Variants in ZNF771 observed in about 807,000 individuals in gnomAD.
ZNF771 encodes the protein zinc finger protein 771.
A neutral mutation model predicts 27.6 loss-of-function variants in ZNF771; 10 were observed. The observed-to-expected ratio is 0.36, with a 90% CI of 0.22 to 0.61. The LOEUF is 0.61. Ranked by LOEUF, ZNF771 falls within the 20% of genes least tolerant of loss-of-function variation. The pLI, the probability that ZNF771 is intolerant of heterozygous loss-of-function variation, is 0.70. For missense variants in ZNF771, 438 were observed against 503.7 expected, an observed-to-expected ratio of 0.87 and a Z score of 1.25; for synonymous variants, 261 against 225.2, an observed-to-expected ratio of 1.16 and a Z score of -1.43.
In ZNF771 at chr16:30,418,105, A is replaced by G; in HGVS notation, c.692A>G (p.His231Arg). 1 of 1,480,084 alleles carries G rather than the reference A, an allele frequency of 6.8e-7. No homozygotes were observed. Among genetic ancestry groups the G allele is most frequent in the South Asian group, 1.3e-5 (1 of 77,430 alleles). The allele number at this position is 1,480,084 out of a possible 1,614,324, so 91.7% of individuals were successfully genotyped here. A position where few individuals can be genotyped will look rare whatever the true frequency, so the allele number is the denominator to read the frequency against. Residue 231 changes from histidine (H) to arginine (R), a missense_variant, in exon 3 of 3, where the codon CAC becomes CGC. His to Arg is a conservative substitution (Grantham distance 29, BLOSUM62 0). Transcript: ENST00000319296. ...HRRVHTGEKPHRCAVCGRRFG... is the reference protein window; with the variant it reads ...HRRVHTGEKPRRCAVCGRRFG... Reference sequence around the variant, plus strand: ...CGCGTGCACACGGGCGAGAAGCCGCACCGCTGCGCTGTGTGTGGCCGTCGC... The same window carrying G: ...CGCGTGCACACGGGCGAGAAGCCGCGCCGCTGCGCTGTGTGTGGCCGTCGC...
chr16:30,418,191 C>T lies in ZNF771; in HGVS notation c.778C>T (p.Pro260Ser). ...ARTHTGERPYPCAECGRRFRL... is the reference protein window; with the variant it reads ...ARTHTGERPYSCAECGRRFRL... ...CACGCACACAGGCGAGCGGCCCTAC[C>T]CCTGCGCCGAGTGCGGCCGCCGCTT... The change falls in exon 3 of 3, where the codon CCC (proline) becomes TCC (serine). Residue 260 changes from proline to serine, a missense_variant. By Grantham distance (74) the Pro-to-Ser change is moderately conservative. Coordinates refer to ENST00000319296, the MANE Select transcript of ZNF771 (RefSeq NM_001142305.2). 1 of 1,504,858 alleles carries T rather than the reference C, an allele frequency of 6.6e-7. No individual in the cohort carries two copies. The highest frequency in any genetic ancestry group is 8.8e-7 in the Non-Finnish European group (1 of 1,133,774). 93.2% of individuals were successfully genotyped at this position (1,504,858 alleles called of 1,614,324 possible).
intron 2 of ZNF771, among the ~76,000 whole-genome samples, chr16:30,411,890 C>T (rs969775963): frequency 1.2e-4 from 19 of 152,174 alleles, no homozygotes; most frequent in African/African-American, 4.6e-4. Context: ...GCCTTAATTA[C>T]GCTGCATGCA....
chr16:30,411,923 G>A lies in ZNF771; in HGVS notation c.141+3729G>A, dbSNP rs370680486. On this transcript the variant is annotated intron_variant, in intron 2 of 2. Transcript: ENST00000319296. ...GCAGGGGCTGGAGTATTCTCCCTCT[G>A]CCATCAAAACCCAATCTATCTTTTA... Among the ~76,000 whole-genome samples, 24 of 152,258 alleles carry A rather than the reference G, an allele frequency of 1.6e-4. No homozygotes were observed. The South Asian group carries it at 3.1e-3, about 20-fold the overall frequency.
intron 2 of ZNF771, among the ~76,000 whole-genome samples, chr16:30,409,085 C>T (rs550625808): frequency 6.6e-6 from 1 of 152,228 alleles, no homozygotes; most frequent in East Asian, 1.9e-4. Flanking sequence ...AGTGGTTCTC[C>T]TACCTCAGCC....
Position 30,417,825 on chromosome 16 carries a change from C to G in ZNF771, c.412C>G (p.Arg138Gly). The change falls in exon 3 of 3, where the codon CGG becomes GGG. Residue 138 changes from arginine (R) to glycine (G), a missense_variant. This residue lies in a region of ZNF771 where 305 missense variants were observed against 308.0 expected (regional missense o/e 0.99). Transcript: ENST00000319296. ...FSAASNLRQHRRRHTGEKPYA... is the reference protein window; with the variant it reads ...FSAASNLRQHGRRHTGEKPYA... ...GGCCGCCTCGAACCTGCGGCAGCAC[C>G]GGCGGCGGCACACGGGCGAGAAGCC... The G allele has an allele frequency of 6.7e-7, 1 of 1,498,054 alleles. No individual in the cohort carries two copies. Among genetic ancestry groups the G allele is most frequent in the Non-Finnish European group, 8.8e-7 (1 of 1,131,630 alleles). The allele number at this position is 1,498,054 out of a possible 1,614,324, so 92.8% of individuals were successfully genotyped here.
intron 1 of ZNF771, 133 bp downstream of exon 1, chr16:30,407,797 A>C: frequency 2.8e-5 from 7 of 249,410 alleles, no homozygotes; most frequent in Non-Finnish European, 4.7e-5. Flanking sequence ...CGGGGGCTGG[A>C]GATTCGAACT....
chr16:30,410,481 T>C (rs1276044917), intron 2 of ZNF771, among the ~76,000 whole-genome samples: 13 of 152,008 alleles, frequency 8.6e-5, no homozygotes, highest in South Asian at 4.1e-4. Context: ...GCACAGAGGA[T>C]TGAAGACAAA....
rs1056877451 is a variant in ZNF771 at position 30,419,405 on chromosome 16, A to G, written c.*1038A>G. 2.0e-5 allele frequency: 3 copies of G among 153,736 alleles called. No individual in the cohort carries two copies. The highest frequency in any genetic ancestry group is 4.3e-5 in the Non-Finnish European group (3 of 69,142). The allele number at this position is 153,736 out of a possible 1,614,324, so 9.5% of individuals were successfully genotyped here. A position where few individuals can be genotyped will look rare whatever the true frequency, so the allele number is the denominator to read the frequency against. On this transcript the variant is annotated 3_prime_UTR_variant, in exon 3 of 3. Coordinates refer to ENST00000319296, the MANE Select transcript of ZNF771 (RefSeq NM_001142305.2). ...GGAGAACAAAGTGAGACCCCCATCT[A>G]TTAAAAAAAGAAAAAAAAAGGCTGG...
At position 30,418,006 on chromosome 16, in the gene ZNF771, C is replaced by T. The variant is rs995978186; in HGVS notation, c.593C>T (p.Thr198Met). ...SCLARHRRTHTGERPYACADC... is the reference protein window; with the variant it reads ...SCLARHRRTHMGERPYACADC... ...CTGGCGCGCCACCGACGCACGCACA[C>T]GGGCGAGCGGCCCTACGCTTGCGCC... Residue 198 changes from threonine to methionine, a missense_variant, in exon 3 of 3, where the codon ACG (threonine) becomes ATG (methionine). Transcript: ENST00000319296. The T allele has an allele frequency of 1.4e-6, 2 of 1,468,674 alleles. No homozygotes were observed. Among genetic ancestry groups the T allele is most frequent in the African/African-American group, 1.5e-5 (1 of 68,012 alleles). The allele number at this position is 1,468,674 out of a possible 1,614,324, so 91.0% of individuals were successfully genotyped here. A position where few individuals can be genotyped will look rare whatever the true frequency, so the allele number is the denominator to read the frequency against.
chr16:30,414,145 G>A (rs1296645987), intron 2 of ZNF771: 1 of 152,040 alleles, frequency 6.6e-6, no homozygotes, highest in East Asian at 1.9e-4. Context: ...TAGATCTGAT[G>A]AGACAAGTTC....
At chr16:30,409,084 C>G (rs932775506) in intron 2 of ZNF771, among the ~76,000 whole-genome samples, 6 of 152,140 alleles carry the variant, frequency 3.9e-5, no homozygotes, top group Non-Finnish European at 8.8e-5. Flanking sequence ...AAGTGGTTCT[C>G]CTACCTCAGC....
chr16:30,418,426 C>T lies in ZNF771; in HGVS notation c.*59C>T. 1 of 1,338,854 alleles carries T rather than the reference C, an allele frequency of 7.5e-7. No individual in the cohort carries two copies. Among genetic ancestry groups the T allele is most frequent in the Non-Finnish European group, 9.6e-7 (1 of 1,044,606 alleles). The allele number at this position is 1,338,854 out of a possible 1,614,324, so 82.9% of individuals were successfully genotyped here. The stretch of plus-strand genomic sequence containing the variant: ...TTCGACCTGGCTGCACTAACCCAGG[C>T]TCCTCCTCGCCCCGGCCTCCGGGTC... On this transcript the variant is annotated 3_prime_UTR_variant, in exon 3 of 3. Coordinates refer to ENST00000319296, the MANE Select transcript of ZNF771 (RefSeq NM_001142305.2).
At chr16:30,412,035 G>A (rs190344613) in intron 2 of ZNF771, among the ~76,000 whole-genome samples, 5 of 152,230 alleles carry the variant, frequency 3.3e-5, no homozygotes, top group African/African-American at 1.2e-4. Flanking sequence ...CCCTCAGGGT[G>A]AGGTCTCAGC....
chr16:30,410,105 C>CTTT (rs912511119), intron 2 of ZNF771, among the ~76,000 whole-genome samples: 4 of 143,216 alleles, frequency 2.8e-5, no homozygotes, highest in Non-Finnish European at 6.2e-5. Flanking sequence ...GATTTTTCAA[C>CTTT]TTTTTTTTTT....
intron 2 of ZNF771, among the ~76,000 whole-genome samples, chr16:30,416,297 A>T (rs1371771828): frequency 6.6e-6 from 1 of 152,080 alleles, no homozygotes; most frequent in African/African-American, 2.4e-5. Flanking sequence ...ACAGCTTCTC[A>T]ATTAACATCT....
intron 2 of ZNF771, among the ~76,000 whole-genome samples, chr16:30,415,061 G>C (rs1375714562): frequency 7.3e-6 from 1 of 137,370 alleles, no homozygotes; most frequent in African/African-American, 2.8e-5. Flanking sequence ...GGGTTCAAGT[G>C]ATTCTCCTGC....
rs1226409605 is a variant in ZNF771 at position 30,418,142 on chromosome 16, C to A, written c.729C>A (p.Arg243=). The change falls in exon 3 of 3, where the codon CGC becomes CGA. Residue 243 remains arginine (R), a synonymous_variant. Coordinates refer to ENST00000319296, the MANE Select transcript of ZNF771 (RefSeq NM_001142305.2). ...CAVCGRRFGH[R]SNLAEHARTH... is the part of the protein sequence containing the mutation. ...TGTGTGGCCGTCGCTTCGGCCACCG[C>A]TCCAACCTGGCGGAGCACGCGCGCA... The A allele has an allele frequency of 4.7e-6, 7 of 1,477,268 alleles. No individual in the cohort carries two copies. The highest frequency in any genetic ancestry group is 6.2e-6 in the Non-Finnish European group (7 of 1,120,966). The allele number at this position is 1,477,268 out of a possible 1,614,324, so 91.5% of individuals were successfully genotyped here.
intron 1 of ZNF771, 155 bp from the exon 2 acceptor site, chr16:30,407,890 C>T (rs1472620161): frequency 5.3e-6 from 3 of 564,832 alleles, no homozygotes; most frequent in Middle Eastern, 4.8e-4. Flanking sequence ...AGCGTGGGGC[C>T]GGGCTGGGGT....
intron 2 of ZNF771, among the ~76,000 whole-genome samples, chr16:30,413,094 T>C (rs1357284703): frequency 6.6e-6 from 1 of 152,204 alleles, no homozygotes. Flanking sequence ...AAGTAATGGC[T>C]AAGGAAGAAA....
Sources: allele counts gnomAD v4.1 joint callset (sites outside exome capture counted in the v4.1 genomes callset), GRCh38; gene constraint gnomAD v4.1.1; regional missense constraint gnomAD v4.1.1; transcripts MANE v1.5; gene names NCBI Gene and HGNC (gene_info 2026-07-23, HGNC 2026-07-21).